MARCHF1: variants seen among roughly 807,000 people sequenced by gnomAD.
MARCHF1 encodes E3 ubiquitin-protein ligase MARCHF1.
Under a neutral mutation model 54.2 loss-of-function variants are expected in MARCHF1, and 40 were observed. That is an observed-to-expected ratio of 0.74 (90% CI 0.57 to 0.96). The LOEUF (loss-of-function observed/expected upper bound fraction) is 0.96, where lower values mean the gene tolerates loss of function less well. MARCHF1 is among the 40% of genes least tolerant of loss of function. MARCHF1 has a pLI of 0.00. For synonymous variants in MARCHF1, 236 were observed against 236.3 expected (o/e 1.00, Z 0.01); for missense variants, 586 against 656.5 (o/e 0.89, Z 1.17).
At chr4:164,235,223 G>A (rs1276646920) in intron 1 of MARCHF1, among the ~76,000 whole-genome samples, 1 of 152,030 alleles carries the variant, frequency 6.6e-6, no homozygotes, top group Non-Finnish European at 1.5e-5. Flanking sequence ...AGGACTATGG[G>A]AATAGTCCCC....
intron 1 of MARCHF1, among the ~76,000 whole-genome samples, chr4:164,235,700 T>TACAG (rs35253925): frequency 0.074 from 11,267 of 151,858 alleles, 489 homozygotes; most frequent in Middle Eastern, 0.14. Flanking sequence ...TGCAAAGGCA[T>TACAG]ACAGAGTGAT....
intron 2 of MARCHF1, among the ~76,000 whole-genome samples, chr4:164,016,695 A>G (rs972458214): frequency 3.3e-5 from 5 of 152,136 alleles, no homozygotes; most frequent in Non-Finnish European, 7.4e-5. Flanking sequence ...AGGATGGTTA[A>G]TGGGTACAAA....
At chr4:164,330,311 C>T (rs1011380408) in intron 1 of MARCHF1, among the ~76,000 whole-genome samples, 1 of 152,142 alleles carries the variant, frequency 6.6e-6, no homozygotes, top group African/African-American at 2.4e-5. Context: ...GTTGCTGTCT[C>T]ACTACTCCCT....
intron 3 of MARCHF1, among the ~76,000 whole-genome samples, chr4:163,873,551 C>T (rs551823195): frequency 6.6e-6 from 1 of 152,264 alleles, no homozygotes; most frequent in East Asian, 1.9e-4. Flanking sequence ...TCAGACAGCC[C>T]TGTGTTACCT....
chr4:164,180,951 C>T (rs1730817995), intron 1 of MARCHF1, among the ~76,000 whole-genome samples: 1 of 152,130 alleles, frequency 6.6e-6, no homozygotes, highest in African/African-American at 2.4e-5. Context: ...CATTTACCTT[C>T]CTAAAACTTG....
intron 3 of MARCHF1, among the ~76,000 whole-genome samples, chr4:163,894,652 C>CATAT (rs767109244): frequency 0.12 from 109 of 884 alleles, 42 homozygotes; most frequent in Admixed American, 0.19. Flanking sequence ...GCATGTGATG[C>CATAT]ATATATATGC....
At chr4:163,647,758 G>C (rs1054705388) in intron 5 of MARCHF1, among the ~76,000 whole-genome samples, 10 of 151,606 alleles carry the variant, frequency 6.6e-5, no homozygotes, top group Non-Finnish European at 1.3e-4. Flanking sequence ...TATAGCCAAA[G>C]CAGTTCTGTG....
chr4:163,661,917 G>A (rs150486346), intron 5 of MARCHF1, among the ~76,000 whole-genome samples: 2,540 of 152,110 alleles, frequency 0.017, 44 homozygotes, highest in South Asian at 0.051. Flanking sequence ...ATGCTATCAT[G>A]CCATTCAATT....
intron 8 of MARCHF1, among the ~76,000 whole-genome samples, chr4:163,557,261 G>T (rs1005011170): frequency 7.9e-5 from 12 of 152,184 alleles, no homozygotes; most frequent in East Asian, 3.8e-4. Context: ...TGGGTGATGG[G>T]AGAAAGTGTA....
chr4:163,871,119 T>G (rs1318012441), intron 3 of MARCHF1, among the ~76,000 whole-genome samples: 1 of 152,086 alleles, frequency 6.6e-6, no homozygotes, highest in Non-Finnish European at 1.5e-5. Flanking sequence ...AATCATTATG[T>G]GTCAAATAAA....
intron 5 of MARCHF1, among the ~76,000 whole-genome samples, chr4:163,626,499 A>G (rs994374222): frequency 6.6e-6 from 1 of 152,206 alleles, no homozygotes; most frequent in African/African-American, 2.4e-5. Context: ...CATTAATTAT[A>G]CTCTGTAAAG....
Position 163,826,321 on chromosome 4 carries a change from T to C in MARCHF1, c.111+27700A>G, listed in dbSNP as rs576029394. On this transcript the variant is annotated intron_variant, in intron 4 of 9. Transcript: ENST00000514618. ...AGATACCTTTGGAGGGTTTAAGTGG[T>C]CAGCAAGTATGAATAAAGACATTTC... Among the ~76,000 whole-genome samples, 26 of 152,142 alleles carry C rather than the reference T, an allele frequency of 1.7e-4. 1 individual carries two copies. In the South Asian group the frequency reaches 4.8e-3, roughly 28 times the overall value.
intron 3 of MARCHF1, among the ~76,000 whole-genome samples, chr4:163,865,838 T>C (rs530930223): frequency 1.3e-5 from 2 of 151,854 alleles, no homozygotes; most frequent in Admixed American, 1.3e-4. Flanking sequence ...TTTTATCATT[T>C]ATATGAATAT....
intron 4 of MARCHF1, among the ~76,000 whole-genome samples, chr4:163,831,323 C>T (rs1282980203): frequency 6.6e-6 from 1 of 152,214 alleles, no homozygotes; most frequent in South Asian, 2.1e-4. Context: ...GTGGCTGACG[C>T]CTATAATCCC....
At chr4:163,768,351 TAACA>T (rs1747052540) in intron 4 of MARCHF1, among the ~76,000 whole-genome samples, 2 of 152,204 alleles carry the variant, frequency 1.3e-5, no homozygotes, top group Admixed American at 6.5e-5. Context: ...AAAAGAACAC[TAACA>T]AACAACTTCA....
rs535919310 is a variant in MARCHF1 at position 163,946,508 on chromosome 4, G to C, written c.-39+41993C>G. ...AACACACCTGTATGGATCAAGGTAAGAATAATATCCCCCAGGAATGTTTCC... is the reference window on the plus strand; with the variant it reads ...AACACACCTGTATGGATCAAGGTAACAATAATATCCCCCAGGAATGTTTCC... On this transcript the variant is annotated intron_variant, in intron 3 of 9. Transcript: ENST00000514618. Among the ~76,000 whole-genome samples the C allele has an allele frequency of 7.9e-5, 12 of 152,258 alleles. No homozygotes were observed. In the East Asian group the frequency reaches 1.9e-3, roughly 24 times the overall value.
At chr4:163,761,420 C>A (rs1487003607) in intron 4 of MARCHF1, among the ~76,000 whole-genome samples, 1 of 152,200 alleles carries the variant, frequency 6.6e-6, no homozygotes, top group African/African-American at 2.4e-5. Flanking sequence ...CTCTTGCTAT[C>A]TGTGACCTTG....
intron 1 of MARCHF1, among the ~76,000 whole-genome samples, chr4:164,237,635 C>T (rs1732601889): frequency 1.3e-5 from 2 of 151,894 alleles, no homozygotes; most frequent in African/African-American, 4.8e-5. Context: ...TCTGATATTG[C>T]TTTTTATTCT....
chr4:164,354,368 A>T (rs1265604381), intron 1 of MARCHF1, among the ~76,000 whole-genome samples: 1 of 137,100 alleles, frequency 7.3e-6, no homozygotes, highest in Non-Finnish European at 1.6e-5. Context: ...TCCTCAATAA[A>T]ATACTGGAAA....
Sources: allele counts gnomAD v4.1 joint callset (sites outside exome capture counted in the v4.1 genomes callset), GRCh38; gene constraint gnomAD v4.1.1; transcripts MANE v1.5; gene names NCBI Gene and HGNC (gene_info 2026-07-23, HGNC 2026-07-21).